Variants in CHMP4B observed in about 807,000 individuals in gnomAD.
CHMP4B encodes the protein SNF7 homolog associated with Alix 1.
In CHMP4B, 1 loss-of-function variant was observed where a neutral mutation model predicts 25.1. The observed-to-expected ratio is 0.04, with a 90% CI of 0.01 to 0.19. The LOEUF is 0.19. Ranked by LOEUF, CHMP4B falls within the 10% of genes least tolerant of loss-of-function variation. The probability of loss-of-function intolerance (pLI) is 1.00; values close to 1 mark genes in which losing one functional copy is unlikely to be tolerated. For synonymous variants in CHMP4B, 101 were observed against 115.6 expected (o/e 0.87, Z 0.81); for missense variants, 151 against 289.7 (o/e 0.52, Z 3.48).
At chr20:33,835,865 G>A (rs113876416) in intron 1 of CHMP4B, among the ~76,000 whole-genome samples, 360 of 152,294 alleles carry the variant, frequency 2.4e-3, no homozygotes, top group Middle Eastern at 6.8e-3. Flanking sequence ...GAGAGGAGGA[G>A]GTGCCAGGCT....
At chr20:33,843,817 A>G (rs529888216) in intron 1 of CHMP4B, among the ~76,000 whole-genome samples, 2 of 152,342 alleles carry the variant, frequency 1.3e-5, no homozygotes, top group East Asian at 1.9e-4. Context: ...AGTGCTGTGA[A>G]TATTTGTCTA....
chr20:33,851,197 C>T (rs1979837757), intron 3 of CHMP4B, 131 bp downstream of exon 3: 1 of 723,800 alleles, frequency 1.4e-6, no homozygotes, highest in African/African-American at 1.7e-5. Flanking sequence ...TGTTAACCCT[C>T]CCTGAATTCT....
At chr20:33,830,933 G>GTTTTTTTTTTTTTTTTTTTTTTT (rs55917511) in intron 1 of CHMP4B, among the ~76,000 whole-genome samples, 21 of 102,562 alleles carry the variant, frequency 2.0e-4, no homozygotes, top group East Asian at 9.3e-4. Flanking sequence ...AAGGAACAGA[G>GTTTTTTTTTTTTTTTTTTTTTTT]TTTTTTTTTT....
At chr20:33,843,961 A>G (rs1979611763) in intron 1 of CHMP4B, among the ~76,000 whole-genome samples, 1 of 152,262 alleles carries the variant, frequency 6.6e-6, no homozygotes, top group Admixed American at 6.5e-5. Flanking sequence ...AAACTAGTTG[A>G]GAAACACAGA....
intron 1 of CHMP4B, among the ~76,000 whole-genome samples, chr20:33,830,938 T>TTTTTTTTTTTTTTTG (rs1979226842): frequency 7.1e-6 from 1 of 140,626 alleles, no homozygotes; most frequent in Non-Finnish European, 1.5e-5. Flanking sequence ...ACAGAGTTTT[T>TTTTTTTTTTTTTTTG]TTTTTTTTTT....
rs1004228577 is a variant in CHMP4B, at chr20:33,854,099, G to C, written c.*539G>C. 8.6e-5 allele frequency: 15 copies of C among 174,590 alleles called. No individual in the cohort carries two copies. Among genetic ancestry groups the C allele is most frequent in the Admixed American group, 5.5e-4 (10 of 18,078 alleles). 10.8% of individuals were successfully genotyped at this position (174,590 alleles called of 1,614,324 possible). On this transcript the variant is annotated 3_prime_UTR_variant, in exon 5 of 5. Transcript: ENST00000217402. Reference sequence around the variant, plus strand: ...TGTCCATCACCTGTGTATTGGCCCTGTGTTTACCACTCTGGCCCACTCCTC... The same window carrying C: ...TGTCCATCACCTGTGTATTGGCCCTCTGTTTACCACTCTGGCCCACTCCTC...
At position 33,853,835 on chromosome 20, in the gene CHMP4B, T is replaced by C. The variant is rs961260182; in HGVS notation, c.*275T>C. The C allele has an allele frequency of 1.9e-6, 1 of 521,010 alleles. No individual in the cohort carries two copies. The highest frequency in any genetic ancestry group is 1.9e-5 in the African/African-American group (1 of 52,254). The allele number at this position is 521,010 out of a possible 1,614,324, so 32.3% of individuals were successfully genotyped here. On this transcript the variant is annotated 3_prime_UTR_variant, in exon 5 of 5. Coordinates refer to ENST00000217402, the MANE Select transcript of CHMP4B (RefSeq NM_176812.5). ...ATAAACTGTATTTGCAAATCCAACA[T>C]TGAGCTTCTGGACTACGCTGACTCC... is the stretch of plus-strand genomic sequence containing the variant.
intron 1 of CHMP4B, among the ~76,000 whole-genome samples, chr20:33,830,938 T>G (rs956078040): frequency 4.3e-5 from 6 of 140,626 alleles, no homozygotes; most frequent in East Asian, 2.4e-4. Flanking sequence ...ACAGAGTTTT[T>G]TTTTTTTTTT....
chr20:33,847,121 G>A (rs1380126687), intron 1 of CHMP4B, among the ~76,000 whole-genome samples: 1 of 152,046 alleles, frequency 6.6e-6, no homozygotes, highest in Non-Finnish European at 1.5e-5. Context: ...GGGTTGTTGT[G>A]GGGGACATAA....
At chr20:33,835,192 A>G (rs554801598) in intron 1 of CHMP4B, among the ~76,000 whole-genome samples, 3 of 152,190 alleles carry the variant, frequency 2.0e-5, no homozygotes, top group Non-Finnish European at 2.9e-5. Flanking sequence ...ATCGTTTTCT[A>G]TGAGAAATCT....
At chr20:33,852,631 C>T (rs1979887667) in intron 4 of CHMP4B, among the ~76,000 whole-genome samples, 1 of 152,192 alleles carries the variant, frequency 6.6e-6, no homozygotes, top group South Asian at 2.1e-4. Flanking sequence ...GGATCACCCC[C>T]AGTTGAGAGC....
intron 1 of CHMP4B, among the ~76,000 whole-genome samples, chr20:33,815,834 C>T (rs1348813923): frequency 6.6e-6 from 1 of 152,172 alleles, no homozygotes; most frequent in Non-Finnish European, 1.5e-5. Flanking sequence ...TGTTTACTCC[C>T]ATGATGACTA....
chr20:33,831,863 G>A (rs1014976895), intron 1 of CHMP4B, among the ~76,000 whole-genome samples: 2 of 152,176 alleles, frequency 1.3e-5, no homozygotes, highest in African/African-American at 4.8e-5. Flanking sequence ...TAACATTACA[G>A]GTGTGAGCCA....
At chr20:33,853,457 C>T in intron 4 of CHMP4B, 39 bp from the exon 5 acceptor site, 1 of 1,591,770 alleles carries the variant, frequency 6.3e-7, no homozygotes. Context: ...ATGTTGAACG[C>T]ACCAGTCATC....
intron 1 of CHMP4B, among the ~76,000 whole-genome samples, chr20:33,814,754 A>C (rs1392656063): frequency 6.6e-6 from 1 of 152,240 alleles, no homozygotes; most frequent in Non-Finnish European, 1.5e-5. Flanking sequence ...TCCTGGGCTC[A>C]AATGATCCTC....
intron 1 of CHMP4B, among the ~76,000 whole-genome samples, chr20:33,835,047 C>T (rs1353480097): frequency 2.0e-5 from 3 of 152,138 alleles, no homozygotes; most frequent in Non-Finnish European, 2.9e-5. Context: ...CCGCCCGCCT[C>T]GGCCTCCCAA....
chr20:33,821,533 C>T (rs1190971585), intron 1 of CHMP4B, among the ~76,000 whole-genome samples: 1 of 152,136 alleles, frequency 6.6e-6, no homozygotes, highest in African/African-American at 2.4e-5. Flanking sequence ...CTAGGATTTA[C>T]TCTGTGACTC....
intron 1 of CHMP4B, among the ~76,000 whole-genome samples, chr20:33,846,661 T>A (rs935509718): frequency 2.0e-5 from 3 of 152,046 alleles, no homozygotes; most frequent in African/African-American, 7.3e-5. Context: ...GGCCAACGGG[T>A]GTGAGTAGAA....
chr20:33,819,409 TC>T (rs1402880140), intron 1 of CHMP4B, among the ~76,000 whole-genome samples: 1 of 152,198 alleles, frequency 6.6e-6, no homozygotes, highest in East Asian at 1.9e-4. Flanking sequence ...TGTGGCTTAT[TC>T]ATTAGTAAAG....
Sources: gnomAD v4.1 joint callset for allele counts (sites outside exome capture counted in the v4.1 genomes callset) on GRCh38, gnomAD v4.1.1 for gene constraint, MANE v1.5 for transcripts, NCBI Gene and HGNC (gene_info 2026-07-23, HGNC 2026-07-21) for gene names.